The following EVC variants were observed in gnomAD, a reference collection of about 807,000 sequenced individuals.
EVC encodes evC complex member EVC.
In EVC, 116 loss-of-function variants were observed where a neutral mutation model predicts 118.9. The observed-to-expected ratio is 0.98, with a 90% CI of 0.84 to 1.14. The LOEUF is 1.14. EVC is among the 50% of genes most tolerant of loss of function. The probability of loss-of-function intolerance (pLI) is 0.00; values close to 1 mark genes in which losing one functional copy is unlikely to be tolerated. For synonymous variants in EVC, 619 were observed against 534.7 expected, an observed-to-expected ratio of 1.16 and a Z score of -2.18; for missense variants, 1,401 against 1,246.4, an observed-to-expected ratio of 1.12 and a Z score of -1.87.
At chr4:5,797,670 C>G (rs1714234908) in intron 14 of EVC, among the ~76,000 whole-genome samples, 1 of 152,210 alleles carries the variant, frequency 6.6e-6, no homozygotes, top group Non-Finnish European at 1.5e-5. Context: ...TTTTGAAGTA[C>G]TTGGGGTCAG....
intron 12 of EVC, among the ~76,000 whole-genome samples, chr4:5,786,106 T>G (rs1275534871): frequency 6.6e-6 from 1 of 152,216 alleles, no homozygotes; most frequent in Non-Finnish European, 1.5e-5. Flanking sequence ...TGAGCTGACC[T>G]CTTGCAACTC....
At chr4:5,713,695 A>G (rs1214023012) in intron 1 of EVC, among the ~76,000 whole-genome samples, 2 of 148,846 alleles carry the variant, frequency 1.3e-5, no homozygotes, top group African/African-American at 5.0e-5. Context: ...AAAAAAAAAA[A>G]AAATTAGAGA....
At chr4:5,780,122 C>G (rs1735353341) in intron 11 of EVC, among the ~76,000 whole-genome samples, 1 of 152,158 alleles carries the variant, frequency 6.6e-6, no homozygotes, top group Non-Finnish European at 1.5e-5. Flanking sequence ...GTCTTTGGTT[C>G]TGTTTATATG....
At chr4:5,728,486 G>A (rs1306840430) in intron 2 of EVC, among the ~76,000 whole-genome samples, 2 of 151,924 alleles carry the variant, frequency 1.3e-5, no homozygotes, top group African/African-American at 4.8e-5. Context: ...GAGACAATGG[G>A]GTTTTCTAGA....
rs1191617444 is a variant in EVC, at chr4:5,797,061, G to C, written c.1926G>C (p.Leu642Phe). 2 of 1,613,416 alleles carry C rather than the reference G, an allele frequency of 1.2e-6. No individual in the cohort carries two copies. The highest frequency in any genetic ancestry group is 2.2e-5 in the South Asian group (2 of 91,078). The change falls in exon 14 of 21, where the codon TTG becomes TTC. Residue 642 changes from leucine to phenylalanine, a missense_variant. Leu to Phe is a conservative substitution (Grantham distance 22). Transcript: ENST00000264956. ...RCVLQGHDLL[L>F]RSALRRLALR... ...TCCTGCAGGGGCATGACCTGCTGTT[G>C]CGCTCAGCCCTCCGGAGGCTGGCAC...
At chr4:5,751,751 A>G (rs75017130) in intron 8 of EVC, among the ~76,000 whole-genome samples, 1 of 152,096 alleles carries the variant, frequency 6.6e-6, no homozygotes, top group East Asian at 1.9e-4. Context: ...GGGACCAGTG[A>G]GGGTGGGGAC....
At position 5,802,092 on chromosome 4, in the gene EVC, A is replaced by G. The variant is rs558599051; in HGVS notation, c.2447A>G (p.Gln816Arg). Residue 816 changes from glutamine to arginine, a missense_variant and splice_region_variant, in exon 16 of 21, where the codon CAG becomes CGG. Physicochemically the swap from Gln to Arg is conservative, Grantham distance 43. Coordinates refer to ENST00000264956, the MANE Select transcript of EVC (RefSeq NM_153717.3). Reference sequence around the variant, plus strand: ...AAACTGCAGCACCTGAAGACCCTGCAGGGTACGGGACCCCCCCTCAGGGAA... The same window carrying G: ...AAACTGCAGCACCTGAAGACCCTGCGGGGTACGGGACCCCCCCTCAGGGAA... ...ERKLQHLKTL[Q>R]GERMENYKLR... The G allele has an allele frequency of 1.9e-6, 3 of 1,600,352 alleles. No homozygotes were observed. In the South Asian group the frequency reaches 3.3e-5, roughly 18 times the overall value.
At chr4:5,723,129 C>G (rs1167988440) in intron 2 of EVC, among the ~76,000 whole-genome samples, 4 of 152,082 alleles carry the variant, frequency 2.6e-5, no homozygotes, top group Admixed American at 6.5e-5. Context: ...TTCCCGGCTC[C>G]TCCATCCCCA....
At chr4:5,802,813 C>T (rs1715246206) in intron 16 of EVC, among the ~76,000 whole-genome samples, 1 of 152,192 alleles carries the variant, frequency 6.6e-6, no homozygotes, top group Non-Finnish European at 1.5e-5. Context: ...TTCGCTCACT[C>T]ATCTGCCGCT....
chr4:5,816,844 A>C (rs1321432939), downstream of EVC, among the ~76,000 whole-genome samples: 2 of 152,032 alleles, frequency 1.3e-5, no homozygotes, highest in Non-Finnish European at 2.9e-5. Context: ...ATCCTGGCTC[A>C]GTGTCTGCGT....
chr4:5,735,743 TGTGA>T (rs1407169944), intron 5 of EVC, among the ~76,000 whole-genome samples: 12 of 150,652 alleles, frequency 8.0e-5, no homozygotes, highest in African/African-American at 2.9e-4. Flanking sequence ...ACAAGGTCTG[TGTGA>T]GTGAAAGGCC....
intron 12 of EVC, among the ~76,000 whole-genome samples, chr4:5,785,583 TAGTTCATTC>T (rs1419087559): frequency 1.3e-5 from 2 of 152,232 alleles, no homozygotes; most frequent in East Asian, 3.8e-4. Flanking sequence ...GACCTCCTTC[TAGTTCATTC>T]AGTCCTCTGT....
intron 14 of EVC, 55 bp downstream of exon 14, chr4:5,797,287 G>A (rs900686107): frequency 1.4e-6 from 2 of 1,426,258 alleles, no homozygotes; most frequent in South Asian, 1.2e-5. Context: ...CCCTGCAGCA[G>A]GCCCCAGCTT....
intron 15 of EVC, among the ~76,000 whole-genome samples, chr4:5,801,338 G>A (rs1349054365): frequency 6.6e-6 from 1 of 152,088 alleles, no homozygotes; most frequent in Non-Finnish European, 1.5e-5. Flanking sequence ...GTAGGAGGAG[G>A]GAACAGCAGT....
intron 13 of EVC, among the ~76,000 whole-genome samples, chr4:5,795,217 GAATTTATTTTC>G (rs1713721170): frequency 6.6e-6 from 1 of 152,144 alleles, no homozygotes; most frequent in Admixed American, 6.5e-5. Context: ...CTTTTTGGTA[GAATTTATTTTC>G]AATTTATTTT....
chr4:5,734,752 A>T (rs923903589), intron 5 of EVC, among the ~76,000 whole-genome samples: 1 of 152,220 alleles, frequency 6.6e-6, no homozygotes. Flanking sequence ...AACGGGTGCC[A>T]ATGTTTGAAA....
Position 5,711,463 on chromosome 4 carries a change from TG to T in EVC, c.85del (p.Ala29ProfsTer87). 9.5e-7 allele frequency: 1 copy of T among 1,053,642 alleles called. No individual in the cohort carries two copies. The highest frequency in any genetic ancestry group is 4.3e-5 in the South Asian group (1 of 23,298). 65.3% of individuals were successfully genotyped at this position (1,053,642 alleles called of 1,614,324 possible). On this transcript the variant is annotated frameshift_variant, in exon 1 of 21. Coordinates refer to ENST00000264956, the MANE Select transcript of EVC (RefSeq NM_153717.3). LOFTEE classifies it high-confidence loss of function. The part of the protein sequence containing the change: ...RDALRPAPAL[L>X]APAVLLGAAL... The stretch of plus-strand genomic sequence containing the variant: ...GCGCTGCGGCCGGCGCCCGCCCTGC[TG>T]GCCCCCGCCGTGCTGCTGGGCGCCG...
chr4:5,757,390 A>G (rs1731330521), intron 11 of EVC, among the ~76,000 whole-genome samples: 1 of 152,154 alleles, frequency 6.6e-6, no homozygotes, highest in Admixed American at 6.5e-5. Flanking sequence ...CAGTGGTGGG[A>G]AGTGCAACTC....
At chr4:5,729,967 G>C (rs773835243) in intron 3 of EVC, among the ~76,000 whole-genome samples, 11 of 152,192 alleles carry the variant, frequency 7.2e-5, no homozygotes, top group Admixed American at 2.6e-4. Flanking sequence ...GCTTCCAGGA[G>C]CCCTCAGCCT....
Sources: allele counts gnomAD v4.1 joint callset (sites outside exome capture counted in the v4.1 genomes callset), GRCh38; gene constraint gnomAD v4.1.1; transcripts MANE v1.5; gene names NCBI Gene and HGNC (gene_info 2026-07-23, HGNC 2026-07-21).